TMOD1: variants seen among roughly 807,000 people sequenced by gnomAD.
TMOD1 encodes the protein tropomodulin 1.
A neutral mutation model predicts 40.6 loss-of-function variants in TMOD1; 17 were observed. The observed-to-expected ratio is 0.42, with a 90% CI of 0.29 to 0.63. TMOD1 has a LOEUF of 0.63. Among genes scored for constraint, TMOD1 ranks in the 20% least tolerant of loss-of-function variants. The pLI is 0.22. For synonymous variants in TMOD1, 181 were observed against 175.0 expected, an observed-to-expected ratio of 1.03 and a Z score of -0.27; for missense variants, 391 against 447.6, an observed-to-expected ratio of 0.87 and a Z score of 1.14.
intron 9 of TMOD1, among the ~76,000 whole-genome samples, chr9:97,599,372 G>A (rs534568573): frequency 1.3e-5 from 2 of 152,222 alleles, no homozygotes; most frequent in East Asian, 1.9e-4. Flanking sequence ...GAAAATAGCC[G>A]ACTTATAACG....
intron 2 of TMOD1, among the ~76,000 whole-genome samples, chr9:97,534,064 T>C (rs1429141596): frequency 6.6e-6 from 1 of 152,224 alleles, no homozygotes; most frequent in Admixed American, 6.5e-5. Context: ...AGAAAAGCCA[T>C]GATTCAAGTC....
chr9:97,522,597 C>T (rs1376571393), intron 1 of TMOD1, among the ~76,000 whole-genome samples: 7 of 152,176 alleles, frequency 4.6e-5, no homozygotes, highest in Middle Eastern at 3.4e-3. Context: ...GATCTCACTC[C>T]GTCACCCAGG....
At chr9:97,599,036 G>C (rs1241790874) in intron 9 of TMOD1, among the ~76,000 whole-genome samples, 1 of 152,044 alleles carries the variant, frequency 6.6e-6, no homozygotes, top group African/African-American at 2.4e-5. Flanking sequence ...TTAAGCTAAC[G>C]TCTCCAGCCT....
chr9:97,579,806 A>G (rs568229642), intron 8 of TMOD1, among the ~76,000 whole-genome samples: 14 of 152,260 alleles, frequency 9.2e-5, no homozygotes, highest in African/African-American at 2.2e-4. Flanking sequence ...GGGACATCCA[A>G]TGTGCACTTG....
chr9:97,582,924 A>T (rs200403120), intron 8 of TMOD1, among the ~76,000 whole-genome samples: 1,802 of 149,690 alleles, frequency 0.012, 83 homozygotes, highest in East Asian at 0.11. Context: ...GTTTTCTAGA[A>T]ATACAATCAT....
intron 8 of TMOD1, among the ~76,000 whole-genome samples, chr9:97,587,604 C>T (rs749093141): frequency 1.3e-5 from 2 of 151,844 alleles, no homozygotes; most frequent in African/African-American, 4.8e-5. Flanking sequence ...CTAATTGACA[C>T]GTACTTCACA....
intron 4 of TMOD1, among the ~76,000 whole-genome samples, chr9:97,556,388 G>A (rs534365533): frequency 6.6e-6 from 1 of 152,276 alleles, no homozygotes; most frequent in Admixed American, 6.5e-5. Context: ...GGTGCTGGGC[G>A]GAGCAGGCCC....
At chr9:97,582,287 T>G (rs1259360896) in intron 8 of TMOD1, among the ~76,000 whole-genome samples, 2 of 145,204 alleles carry the variant, frequency 1.4e-5, no homozygotes, top group East Asian at 4.1e-4. Context: ...TTTTCTCAGG[T>G]TTGTCAAAGA....
At chr9:97,580,442 TAAAAACACAAAAAA>T in intron 8 of TMOD1, among the ~76,000 whole-genome samples, 1 of 152,100 alleles carries the variant, frequency 6.6e-6, no homozygotes, top group African/African-American at 2.4e-5. Context: ...CCATCTCTAC[TAAAAACACAAAAAA>T]TTAGCTGAGT....
intron 9 of TMOD1, among the ~76,000 whole-genome samples, chr9:97,597,131 C>T (rs911994133): frequency 3.9e-5 from 6 of 152,218 alleles, no homozygotes; most frequent in Admixed American, 1.3e-4. Flanking sequence ...TTGGTCCGGA[C>T]GACTGGAGAG....
Position 97,508,350 on chromosome 9 carries a change from G to C in TMOD1, c.-49+6547G>C, listed in dbSNP as rs550001413. Among the ~76,000 whole-genome samples the C allele has an allele frequency of 9.9e-5, 15 of 152,064 alleles. No homozygotes were observed. The South Asian group carries it at 2.9e-3, about 29-fold the overall frequency. ...ACTACAGGTGCACACCACCACACCT[G>C]GCAAATTTTTGTATTTTTTAGTAGA... On this transcript the variant is annotated intron_variant, in intron 1 of 9. Transcript: ENST00000259365.
At position 97,511,215 on chromosome 9, in the gene TMOD1, G is replaced by A. The variant is rs139475366; in HGVS notation, c.-49+9412G>A. On this transcript the variant is annotated intron_variant, in intron 1 of 9. Coordinates refer to ENST00000259365, the MANE Select transcript of TMOD1 (RefSeq NM_003275.4). ...CTCATAGCAACTGCAGAAAGTGATG[G>A]AGTCAAACACTATGTTTAGTGTGTT... is the stretch of plus-strand genomic sequence containing the variant. 8.5e-3 allele frequency among the ~76,000 whole-genome samples: 1,289 copies of A among 152,218 alleles called. 4 individuals are homozygous for A. Among genetic ancestry groups the A allele is most frequent in the Non-Finnish European group, 0.014 (981 of 68,000 alleles).
intron 1 of TMOD1, among the ~76,000 whole-genome samples, chr9:97,509,832 C>A (rs1829666729): frequency 6.6e-6 from 1 of 152,190 alleles, no homozygotes; most frequent in African/African-American, 2.4e-5. Flanking sequence ...TCTGATAGAA[C>A]TGATATCTCC....
chr9:97,584,278 C>T (rs1481104367), intron 8 of TMOD1, among the ~76,000 whole-genome samples: 1 of 152,142 alleles, frequency 6.6e-6, no homozygotes, highest in African/African-American at 2.4e-5. Context: ...CATTCAGGAG[C>T]AGGTTGTTCA....
rs576550514 is a variant in TMOD1, at chr9:97,538,662, CT to C, written c.121-7521del. 1.5e-4 allele frequency among the ~76,000 whole-genome samples: 23 copies of C among 152,232 alleles called. No homozygotes were observed. The East Asian group carries it at 3.3e-3, about 22-fold the overall frequency. The stretch of plus-strand genomic sequence containing the variant: ...GTAGACCTTCCCCTCCATTTAGGAT[CT>C]TGATTACCATGTGTTTAGTGAATAA... On this transcript the variant is annotated intron_variant, in intron 2 of 9. Coordinates refer to ENST00000259365, the MANE Select transcript of TMOD1 (RefSeq NM_003275.4).
chr9:97,544,292 C>T (rs1830323213), intron 2 of TMOD1, among the ~76,000 whole-genome samples: 1 of 152,140 alleles, frequency 6.6e-6, no homozygotes, highest in Admixed American at 6.5e-5. Context: ...AATCCCAGGG[C>T]TTAGGAAGGC....
Position 97,564,126 on chromosome 9 carries a change from C to T in TMOD1, c.576C>T (p.Asn192=). Residue 192 remains asparagine, a synonymous_variant, in exon 6 of 10, where the codon AAC becomes AAT. Transcript: ENST00000259365. The part of the protein sequence containing the change: ...DVEETLERIK[N]NDPKLEEVNL... ...AGGAAACGCTGGAACGGATAAAGAACAACGACCCAAAACTTGAAGAAGTTA... is the reference window on the plus strand; with the variant it reads ...AGGAAACGCTGGAACGGATAAAGAATAACGACCCAAAACTTGAAGAAGTTA... The T allele has an allele frequency of 1.2e-6, 2 of 1,613,270 alleles. No homozygotes were observed. The highest frequency in any genetic ancestry group is 8.5e-7 in the Non-Finnish European group (1 of 1,179,552).
intron 8 of TMOD1, among the ~76,000 whole-genome samples, chr9:97,586,604 C>G (rs1475605354): frequency 4.3e-4 from 66 of 152,188 alleles, no homozygotes; most frequent in African/African-American, 1.6e-3. Context: ...CTCCCCCAGC[C>G]TCGCTGCCGC....
At position 97,529,469 on chromosome 9, in the gene TMOD1, G is replaced by A. The variant is rs570442517; in HGVS notation, c.120+5161G>A. On this transcript the variant is annotated intron_variant, in intron 2 of 9. Coordinates refer to ENST00000259365, the MANE Select transcript of TMOD1 (RefSeq NM_003275.4). ...TGTTAAGCCCCAGTGTCATGTGGCA[G>A]AATGGAGTACGAGGACTTGGAAAGC... Among the ~76,000 whole-genome samples the A allele has an allele frequency of 2.6e-3, 397 of 151,792 alleles. 3 individuals are homozygous for A. The highest frequency in any genetic ancestry group is 2.5e-3 in the Non-Finnish European group (171 of 67,978).
Sources: gnomAD v4.1 joint callset for allele counts (sites outside exome capture counted in the v4.1 genomes callset) on GRCh38, gnomAD v4.1.1 for gene constraint, MANE v1.5 for transcripts, NCBI Gene and HGNC (gene_info 2026-07-23, HGNC 2026-07-21) for gene names.